ADGRF5: variants seen among roughly 807,000 people sequenced by gnomAD.
The protein encoded by ADGRF5 is G-protein coupled receptor 116.
ADGRF5 carries 75 observed loss-of-function variants against 132.3 expected under a neutral mutation model. The ratio of observed to expected loss-of-function variants is 0.57; its 90% CI spans 0.47 to 0.69. The LOEUF (loss-of-function observed/expected upper bound fraction) is 0.69, where lower values mean the gene tolerates loss of function less well. Ranked by LOEUF, ADGRF5 falls within the 30% of genes least tolerant of loss-of-function variation. ADGRF5 has a pLI of 0.00. For synonymous variants in ADGRF5, 629 were observed against 597.6 expected, an observed-to-expected ratio of 1.05 and a Z score of -0.77; for missense variants, 1,516 against 1,630.6, an observed-to-expected ratio of 0.93 and a Z score of 1.21.
chr6:46,932,300 G>A (rs2180160), intron 1 of ADGRF5, among the ~76,000 whole-genome samples: 81,941 of 152,038 alleles, frequency 0.54, 23,304 homozygotes, highest in East Asian at 0.63. Flanking sequence ...TAAAAGAAAA[G>A]ACAAACTAAA....
chr6:46,952,406 T>A (rs1229314636), intron 1 of ADGRF5, among the ~76,000 whole-genome samples: 1 of 152,198 alleles, frequency 6.6e-6, no homozygotes, highest in Non-Finnish European at 1.5e-5. Flanking sequence ...GCACACTGCC[T>A]GCCCTGTGAA....
intron 1 of ADGRF5, among the ~76,000 whole-genome samples, chr6:46,943,935 G>T (rs1158436200): frequency 6.6e-6 from 1 of 152,180 alleles, no homozygotes; most frequent in Non-Finnish European, 1.5e-5. Flanking sequence ...CATAAGCCTG[G>T]ACTGCAAAAT....
At chr6:46,917,307 T>G (rs1042511380) in intron 1 of ADGRF5, among the ~76,000 whole-genome samples, 1 of 152,208 alleles carries the variant, frequency 6.6e-6, no homozygotes, top group Admixed American at 6.5e-5. Flanking sequence ...TTCCACTGCA[T>G]GAACCGCATT....
chr6:46,948,612 G>T (rs1437197501), intron 1 of ADGRF5, among the ~76,000 whole-genome samples: 1 of 152,018 alleles, frequency 6.6e-6, no homozygotes, highest in Non-Finnish European at 1.5e-5. Context: ...TTCAAGCCAA[G>T]ATCCTCAAAC....
chr6:46,871,724 C>T (rs890295610), intron 11 of ADGRF5, 119 bp downstream of exon 11: 7 of 624,696 alleles, frequency 1.1e-5, no homozygotes, highest in African/African-American at 1.1e-4. Context: ...TTGCCCTAAC[C>T]ACACTCCCTC....
rs1424405428 is a variant in ADGRF5, at chr6:46,853,876, G to A, written c.*116C>T. ...TCTTCTCTATGAAAAAGTCTTTTTG[G>A]CATCTGCTCCCGGAAACCTGCCCCG... On this transcript the variant is annotated 3_prime_UTR_variant, in exon 21 of 21. Coordinates refer to ENST00000283296, the MANE Select transcript of ADGRF5 (RefSeq NM_001098518.2). 1 of 673,184 alleles carries A rather than the reference G, an allele frequency of 1.5e-6. No individual in the cohort carries two copies. Among genetic ancestry groups the A allele is most frequent in the Non-Finnish European group, 2.6e-6 (1 of 382,760 alleles). The allele number at this position is 673,184 out of a possible 1,614,324, so 41.7% of individuals were successfully genotyped here.
At chr6:46,908,664 T>C (rs1581960945) in intron 1 of ADGRF5, 1 of 152,080 alleles carries the variant, frequency 6.6e-6, no homozygotes, top group African/African-American at 2.4e-5. Context: ...GTCCCCATCT[T>C]CCCCCACCCC....
intron 3 of ADGRF5, among the ~76,000 whole-genome samples, chr6:46,893,447 A>T (rs188260577): frequency 1.7e-4 from 26 of 152,308 alleles, no homozygotes; most frequent in African/African-American, 5.3e-4. Flanking sequence ...AGCGTGACCC[A>T]CATAGCGGTG....
intron 11 of ADGRF5, among the ~76,000 whole-genome samples, chr6:46,869,981 T>C (rs993175881): frequency 1.3e-5 from 2 of 152,022 alleles, no homozygotes; most frequent in East Asian, 1.9e-4. Context: ...ATATAAAAGC[T>C]TATATGAGCT....
At chr6:46,866,814 T>C (rs1353252116) in intron 13 of ADGRF5, 111 bp downstream of exon 13, 1 of 652,424 alleles carries the variant, frequency 1.5e-6, no homozygotes, top group East Asian at 2.7e-5. Context: ...ACTCTGTTAA[T>C]TCTATCTCTG....
At position 46,858,943 on chromosome 6, in the gene ADGRF5, C is replaced by T; in HGVS notation, c.2960G>A (p.Cys987Tyr). ...EGDGDNVTCI[C>Y]DHLTSFSILM... ...GATGGAGAATGATGTTAGGTGGTCA[C>T]AGATACAGGTGACATTGTCCCCATC... Residue 987 changes from cysteine (C) to tyrosine (Y), a missense_variant, in exon 17 of 21, where the codon TGT (cysteine) becomes TAT (tyrosine). By Grantham distance (194) the Cys-to-Tyr change is radical. Transcript: ENST00000283296. The T allele has an allele frequency of 6.2e-7, 1 of 1,613,892 alleles. No homozygotes were observed. The highest frequency in any genetic ancestry group is 8.5e-7 in the Non-Finnish European group (1 of 1,179,770).
rs895218118 is a variant in ADGRF5 at position 46,883,808 on chromosome 6, C to G, written c.506-143G>C. On this transcript the variant is annotated intron_variant, in intron 5 of 20. Coordinates refer to ENST00000283296, the MANE Select transcript of ADGRF5 (RefSeq NM_001098518.2). ...CCAGGCTGGAGTGCAACGGCACGAT[C>G]TCAGCTCACTGCAACCTCTGCTTCC... 3 of 607,264 alleles carry G rather than the reference C, an allele frequency of 4.9e-6. No homozygotes were observed. In the Admixed American group the frequency reaches 9.5e-5, roughly 19 times the overall value. 37.6% of individuals were successfully genotyped at this position (607,264 alleles called of 1,614,324 possible).
chr6:46,947,196 A>G (rs1002226962), intron 1 of ADGRF5, among the ~76,000 whole-genome samples: 4 of 152,190 alleles, frequency 2.6e-5, no homozygotes, highest in African/African-American at 9.7e-5. Flanking sequence ...GCTTTAGCCA[A>G]TAAGTAGACT....
At chr6:46,878,545 C>T in intron 9 of ADGRF5, 140 bp from the exon 10 acceptor site, 1 of 615,580 alleles carries the variant, frequency 1.6e-6, no homozygotes, top group Non-Finnish European at 2.9e-6. Context: ...CTAAAGACGC[C>T]TAAAAAACCA....
chr6:46,892,566 A>G (rs1279169197), intron 3 of ADGRF5, among the ~76,000 whole-genome samples: 5 of 152,096 alleles, frequency 3.3e-5, no homozygotes, highest in Non-Finnish European at 5.9e-5. Context: ...CCTGGCCAAC[A>G]CAGTGAAACG....
At chr6:46,872,592 T>C (rs533406928) in intron 10 of ADGRF5, among the ~76,000 whole-genome samples, 30 of 152,330 alleles carry the variant, frequency 2.0e-4, no homozygotes, top group South Asian at 4.1e-4. Context: ...TATGTTTTAG[T>C]GAAAACTTCA....
intron 14 of ADGRF5, 97 bp downstream of exon 14, chr6:46,864,945 A>G (rs546293931): frequency 2.8e-4 from 233 of 822,568 alleles, no homozygotes; most frequent in Non-Finnish European, 4.2e-4. Context: ...AGGGTATTTA[A>G]CATATGTTTA....
rs1349183687 is a variant in ADGRF5, at chr6:46,858,174, G to T, written c.3729C>A (p.Thr1243=). 6.2e-7 allele frequency: 1 copy of T among 1,613,896 alleles called. No individual in the cohort carries two copies. The highest frequency in any genetic ancestry group is 1.3e-5 in the African/African-American group (1 of 74,906). Residue 1243 remains threonine (T), a synonymous_variant, in exon 17 of 21, where the codon ACC becomes ACA. Coordinates refer to ENST00000283296, the MANE Select transcript of ADGRF5 (RefSeq NM_001098518.2). ...GFGLTTVFPG[T]NLVFHIIFAI... The stretch of plus-strand genomic sequence containing the variant: ...CAAATATGATATGGAACACAAGGTT[G>T]GTCCCTGGGAACACAGTGGTGAGAC...
intron 20 of ADGRF5, chr6:46,854,887 T>A (rs1268246542): frequency 1.5e-5 from 6 of 410,094 alleles, no homozygotes; most frequent in Non-Finnish European, 2.5e-5. Context: ...AAGTAATTCA[T>A]CAAATTGAAG....
Sources: gnomAD v4.1 joint callset for allele counts (sites outside exome capture counted in the v4.1 genomes callset) on GRCh38, gnomAD v4.1.1 for gene constraint, MANE v1.5 for transcripts, NCBI Gene and HGNC (gene_info 2026-07-23, HGNC 2026-07-21) for gene names.